The following SAA2 variants were observed in gnomAD, a reference collection of about 807,000 sequenced individuals.
The protein encoded by SAA2 is serum amyloid A-2 protein.
A neutral mutation model predicts 9.1 loss-of-function variants in SAA2; 5 were observed. That is an observed-to-expected ratio of 0.55 (90% CI 0.29 to 1.16). The LOEUF is 1.16. SAA2 is among the 50% of genes most tolerant of loss of function. The pLI, the probability that SAA2 is intolerant of heterozygous loss-of-function variation, is 0.09. For synonymous variants in SAA2, 49 were observed against 59.8 expected (o/e 0.82, Z 0.83); for missense variants, 94 against 153.8 (o/e 0.61, Z 2.06).
At chr11:18,240,251 T>G (rs1481305407), downstream of SAA2, 1 of 703,370 alleles carries the variant, frequency 1.4e-6, no homozygotes, top group Non-Finnish European at 2.6e-6. Context: ...TTTGAAAAAG[T>G]CCATCCAGTT....
rs2896519 is a variant in SAA2 at position 18,245,334 on chromosome 11, G to C, written c.*43C>G. On this transcript the variant is annotated 3_prime_UTR_variant, in exon 4 of 4. Coordinates refer to ENST00000256733, the MANE Select transcript of SAA2 (RefSeq NM_030754.5). ...ACTAACTTTGTATCCCTGCCCCGAG[G>C]GCCTCATAGCCAGGTCTCCTGAGAG... 1.2e-6 allele frequency: 2 copies of C among 1,611,494 alleles called. No homozygotes were observed. Among genetic ancestry groups the C allele is most frequent in the East Asian group, 2.2e-5 (1 of 44,846 alleles).
chr11:18,241,638 A>G (rs1848540780), downstream of SAA2, among the ~76,000 whole-genome samples: 1 of 152,220 alleles, frequency 6.6e-6, no homozygotes, highest in Admixed American at 6.5e-5. Context: ...CATTATCTTA[A>G]GTGAAATAAC....
In SAA2 at chr11:18,240,096, T is replaced by C. The variant is rs141954496; in HGVS notation, c.231-127A>G. Reference sequence around the variant, plus strand: ...ACCGGTGATTATATACTATTCTTCATAGGGGAGGAGAAGATGGGGAATGTA... The same window carrying C: ...ACCGGTGATTATATACTATTCTTCACAGGGGAGGAGAAGATGGGGAATGTA... On this transcript the variant is annotated intron_variant, in intron 3 of 3. Coordinates refer to the SAA2 transcript ENST00000414546. 1.1e-3 allele frequency: 1,407 copies of C among 1,324,906 alleles called. 2 individuals carry two copies. The highest frequency in any genetic ancestry group is 5.2e-3 in the Middle Eastern group (22 of 4,240). The allele number at this position is 1,324,906 out of a possible 1,614,324, so 82.1% of individuals were successfully genotyped here.
At chr11:18,243,185 T>C (rs2134137359), downstream of SAA2, among the ~76,000 whole-genome samples, 1 of 152,312 alleles carries the variant, frequency 6.6e-6, no homozygotes, top group Admixed American at 6.5e-5. Flanking sequence ...TTTGGTCCTT[T>C]ACAGACGGAT....
rs377227815 is a variant in SAA2, at chr11:18,247,970, C to G, written c.42G>C (p.Leu14=). 6.2e-7 allele frequency: 1 copy of G among 1,613,628 alleles called. No homozygotes were observed. Among genetic ancestry groups the G allele is most frequent in the African/African-American group, 1.3e-5 (1 of 74,984 alleles). The part of the protein sequence containing the change: ...LTGLVFCSLV[L]SVSSRSFFSF... ...AAAAGAAGCTTCGGCTGCTGACACT[C>G]AGGACCAAGGAGCAGAAAACCAGGC... is the stretch of plus-strand genomic sequence containing the variant. The change falls in exon 2 of 4, where the codon CTG becomes CTC. Residue 14 remains leucine, a synonymous_variant. Coordinates refer to ENST00000256733, the MANE Select transcript of SAA2 (RefSeq NM_030754.5).
chr11:18,242,945 A>G, downstream of SAA2: 5 of 621,216 alleles, frequency 8.0e-6, no homozygotes, highest in Non-Finnish European at 1.5e-5. Flanking sequence ...ATTCTTACTG[A>G]GGAAAACCAA....
intron 2 of SAA2, among the ~76,000 whole-genome samples, chr11:18,246,514 C>T (rs75846249): frequency 0.048 from 7,246 of 152,246 alleles, 256 homozygotes; most frequent in Admixed American, 0.11. Context: ...AGCGGTTCTC[C>T]GCCGTGGTTG....
At chr11:18,247,534 A>G (rs1372682781) in intron 2 of SAA2, among the ~76,000 whole-genome samples, 2 of 146,634 alleles carry the variant, frequency 1.4e-5, no homozygotes, top group African/African-American at 2.5e-5. Context: ...GCAGCTCCCC[A>G]GGCACATTGG....
At chr11:18,245,216 A>C, downstream of SAA2, 1 of 1,443,912 alleles carries the variant, frequency 6.9e-7, no homozygotes, top group East Asian at 2.5e-5. Context: ...CAGCACCAAA[A>C]GAAGAACACA....
chr11:18,240,524 AT>A (rs1355238402), downstream of SAA2, among the ~76,000 whole-genome samples: 3 of 152,212 alleles, frequency 2.0e-5, no homozygotes, highest in African/African-American at 7.2e-5. Context: ...TGGTATAAAA[AT>A]AGACACGTAG....
At chr11:18,239,779 C>T in exon 4 of SAA2, 2 of 747,404 alleles carry the variant, frequency 2.7e-6, no homozygotes, top group South Asian at 2.8e-5. Flanking sequence ...AGCCTTCAGA[C>T]CTCTCTTCAG....
chr11:18,245,158 C>T, downstream of SAA2: 1 of 1,066,288 alleles, frequency 9.4e-7, no homozygotes, highest in East Asian at 2.7e-5. Context: ...CTAGGCTCAC[C>T]CTTCATGTGG....
chr11:18,242,189 G>A (rs1857364807), downstream of SAA2: 1 of 152,158 alleles, frequency 6.6e-6, no homozygotes, highest in Non-Finnish European at 1.5e-5. Flanking sequence ...CAAGATAATT[G>A]GGGCTGAGAA....
chr11:18,238,253 G>T (rs1007368562), downstream of SAA2, among the ~76,000 whole-genome samples: 10 of 151,982 alleles, frequency 6.6e-5, no homozygotes, highest in African/African-American at 2.4e-4. Flanking sequence ...CTGGTTTATT[G>T]TGTTTTTATT....
At position 18,245,759 on chromosome 11, in the gene SAA2, AC is replaced by A. The variant is rs554143996; in HGVS notation, c.230+150del. 487 of 1,453,886 alleles carry A rather than the reference AC, an allele frequency of 3.3e-4. 2 individuals carry two copies. The highest frequency in any genetic ancestry group is 2.3e-3 in the South Asian group (155 of 68,442). The allele number at this position is 1,453,886 out of a possible 1,614,324, so 90.1% of individuals were successfully genotyped here. A position where few individuals can be genotyped will look rare whatever the true frequency, so the allele number is the denominator to read the frequency against. On this transcript the variant is annotated intron_variant, in intron 3 of 3. Coordinates refer to ENST00000256733, the MANE Select transcript of SAA2 (RefSeq NM_030754.5). ...TCACTCACTCCTACCATCCACTCAG[AC>A]CCTCACACTGAGCACAGAGGCAGAG... is the stretch of plus-strand genomic sequence containing the variant.
downstream of SAA2, chr11:18,240,312 C>G (rs1171180495): frequency 4.3e-6 from 3 of 702,406 alleles, no homozygotes; most frequent in African/African-American, 3.5e-5. Context: ...TTTCATGGAG[C>G]AGGTGGAAGG....
downstream of SAA2, chr11:18,245,202 C>A: frequency 2.8e-6 from 4 of 1,413,908 alleles, no homozygotes; most frequent in Non-Finnish European, 3.7e-6. Flanking sequence ...ACCAAACAGG[C>A]AGTCAGCACC....
intron 2 of SAA2, among the ~76,000 whole-genome samples, chr11:18,247,501 T>TAAC (rs1857609736): frequency 7.9e-6 from 1 of 126,234 alleles, no homozygotes; most frequent in African/African-American, 3.2e-5. Flanking sequence ...CTGACAACAA[T>TAAC]CCTCGACTCT....
exon 4 of SAA2, chr11:18,239,833 C>A: frequency 7.3e-7 from 1 of 1,372,050 alleles, no homozygotes; most frequent in Non-Finnish European, 9.8e-7. Flanking sequence ...CCTCTTAGCA[C>A]AGGTTCCAAA....
Sources: gnomAD v4.1 joint callset for allele counts (sites outside exome capture counted in the v4.1 genomes callset) on GRCh38, gnomAD v4.1.1 for gene constraint, MANE v1.5 for transcripts, NCBI Gene and HGNC (gene_info 2026-07-23, HGNC 2026-07-21) for gene names.